CADM2: variants seen among roughly 807,000 people sequenced by gnomAD.
CADM2 encodes the protein immunoglobulin superfamily member 4D.
CADM2 carries 12 observed loss-of-function variants against 49.8 expected under a neutral mutation model. The observed-to-expected ratio is 0.24, with a 90% CI of 0.15 to 0.39. The LOEUF is 0.39. Among genes scored for constraint, CADM2 ranks in the 10% least tolerant of loss-of-function variants. The pLI is 1.00. For synonymous variants in CADM2, 214 were observed against 175.4 expected, an observed-to-expected ratio of 1.22 and a Z score of -1.74; for missense variants, 378 against 492.3, an observed-to-expected ratio of 0.77 and a Z score of 2.20.
intron 3 of CADM2, among the ~76,000 whole-genome samples, chr3:85,864,271 A>G (rs2075643254): frequency 6.6e-6 from 1 of 152,172 alleles, no homozygotes; most frequent in African/African-American, 2.4e-5. Context: ...TGTAATTATA[A>G]ACACCTTGCA....
At chr3:85,568,477 T>TC (rs2062369706) in intron 1 of CADM2, among the ~76,000 whole-genome samples, 2 of 39,190 alleles carry the variant, frequency 5.1e-5, no homozygotes, top group African/African-American at 1.5e-4. Flanking sequence ...TTCTCTCTCT[T>TC]TCTTTCTTTC....
At chr3:85,099,001 C>T (rs987880128) in intron 1 of CADM2, among the ~76,000 whole-genome samples, 2 of 152,120 alleles carry the variant, frequency 1.3e-5, no homozygotes, top group African/African-American at 4.8e-5. Context: ...TGAAGTATTC[C>T]TGAGTTTGGT....
Position 85,887,462 on chromosome 3 carries a change from A to T in CADM2, c.529+1135A>T, listed in dbSNP as rs145966534. On this transcript the variant is annotated intron_variant, in intron 5 of 9. Coordinates refer to ENST00000383699, the MANE Select transcript of CADM2 (RefSeq NM_001167675.2). ...TTTGTAATGGGCATGCAGGCTTAGC[A>T]GATAAGATTGCCTATATTACTGAAA... 2.0e-4 allele frequency among the ~76,000 whole-genome samples: 30 copies of T among 152,316 alleles called. 1 individual carries two copies. The East Asian group carries it at 5.6e-3, about 28-fold the overall frequency.
At chr3:85,151,057 G>C (rs897649079) in intron 1 of CADM2, among the ~76,000 whole-genome samples, 1 of 151,984 alleles carries the variant, frequency 6.6e-6, no homozygotes, top group African/African-American at 2.4e-5. Flanking sequence ...CAAGTTCTGT[G>C]AGCAGAGCAA....
At chr3:85,046,191 G>T (rs2035646756) in intron 1 of CADM2, among the ~76,000 whole-genome samples, 1 of 151,992 alleles carries the variant, frequency 6.6e-6, no homozygotes, top group Non-Finnish European at 1.5e-5. Flanking sequence ...TCGGCCTCTG[G>T]TGATGATTTG....
intron 1 of CADM2, among the ~76,000 whole-genome samples, chr3:85,201,972 C>T (rs1200875044): frequency 6.7e-6 from 1 of 148,606 alleles, no homozygotes; most frequent in African/African-American, 2.5e-5. Flanking sequence ...CCCAGCTACT[C>T]GGGAGGTTGA....
chr3:85,618,051 C>T (rs937308565), intron 1 of CADM2, among the ~76,000 whole-genome samples: 4 of 152,056 alleles, frequency 2.6e-5, no homozygotes, highest in African/African-American at 9.7e-5. Flanking sequence ...AACATACAGT[C>T]ATTCTTTTCT....
chr3:85,092,752 A>G (rs2037646071), intron 1 of CADM2, among the ~76,000 whole-genome samples: 1 of 152,048 alleles, frequency 6.6e-6, no homozygotes. Context: ...CACCACCGCC[A>G]CCACCTCAAA....
In CADM2 at chr3:85,794,416, G is replaced by T. The variant is rs114560562; in HGVS notation, c.89-7631G>T. 1.7e-3 allele frequency among the ~76,000 whole-genome samples: 266 copies of T among 152,254 alleles called. 1 individual carries two copies. The highest frequency in any genetic ancestry group is 6.0e-3 in the African/African-American group (249 of 41,544). Reference sequence around the variant, plus strand: ...TGGTAAACAGTGTAGCTGATTAAAAGATAAGTAAGATGTCTCAGTTACTAT... The same window carrying T: ...TGGTAAACAGTGTAGCTGATTAAAATATAAGTAAGATGTCTCAGTTACTAT... On this transcript the variant is annotated intron_variant, in intron 2 of 9. Transcript: ENST00000383699.
intron 1 of CADM2, among the ~76,000 whole-genome samples, chr3:85,423,753 T>C (rs1440014998): frequency 1.3e-5 from 2 of 152,214 alleles, no homozygotes; most frequent in African/African-American, 4.8e-5. Context: ...CTCATTGCTA[T>C]GCATTCTCTC....
intron 1 of CADM2, among the ~76,000 whole-genome samples, chr3:85,336,052 A>T (rs374493527): frequency 4.0e-5 from 6 of 151,612 alleles, no homozygotes; most frequent in Non-Finnish European, 8.9e-5. Flanking sequence ...CCCAAAATAT[A>T]TCTGGTACCC....
intron 1 of CADM2, among the ~76,000 whole-genome samples, chr3:85,086,250 T>C (rs1020868506): frequency 6.6e-6 from 1 of 152,090 alleles, no homozygotes; most frequent in East Asian, 1.9e-4. Context: ...TTAAATTTTT[T>C]ATGTATATTA....
rs1185335639 is a variant in CADM2 at position 85,568,425 on chromosome 3, T to TTC, written c.62-158095_62-158094dup. 7.0e-5 allele frequency among the ~76,000 whole-genome samples: 2 copies of TTC among 28,456 alleles called. 1 individual carries two copies. The highest frequency in any genetic ancestry group is 1.5e-4 in the Non-Finnish European group (2 of 12,980). The allele number at this position is 28,456 out of a possible 152,430, so 18.7% of individuals were successfully genotyped here. On this transcript the variant is annotated intron_variant, in intron 1 of 9. Coordinates refer to ENST00000383699, the MANE Select transcript of CADM2 (RefSeq NM_001167675.2). Reference sequence around the variant, plus strand: ...TTTCTTTCTTTCTTTCTTTCTTTCTTTCTTTCTTTCTTTCTTTCTTTCTTT... The same window carrying TTC: ...TTTCTTTCTTTCTTTCTTTCTTTCTTTCTCTTTCTTTCTTTCTTTCTTTCTTT...
At chr3:85,539,441 C>T (rs1334629343) in intron 1 of CADM2, among the ~76,000 whole-genome samples, 2 of 152,066 alleles carry the variant, frequency 1.3e-5, no homozygotes, top group Non-Finnish European at 2.9e-5. Context: ...TTCTCCAATG[C>T]TCATAATGCC....
rs899735200 is a variant in CADM2 at position 86,068,141 on chromosome 3, G to C, written c.*1358G>C. 4 of 152,498 alleles carry C rather than the reference G, an allele frequency of 2.6e-5. No individual in the cohort carries two copies. The East Asian group carries it at 7.7e-4, about 29-fold the overall frequency. The allele number at this position is 152,498 out of a possible 1,614,324, so 9.4% of individuals were successfully genotyped here. A position where few individuals can be genotyped will look rare whatever the true frequency, so the allele number is the denominator to read the frequency against. On this transcript the variant is annotated 3_prime_UTR_variant, in exon 10 of 10. Transcript: ENST00000383699. ...TTAAATTCCTGTCTATGCATTTTGT[G>C]AGGTACAAACTGATGAAACAGTGAG...
intron 8 of CADM2, among the ~76,000 whole-genome samples, chr3:86,011,560 G>A (rs937625053): frequency 6.6e-6 from 1 of 152,090 alleles, no homozygotes; most frequent in African/African-American, 2.4e-5. Flanking sequence ...AGAAAAAGGA[G>A]AAGTAGGAAA....
intron 1 of CADM2, among the ~76,000 whole-genome samples, chr3:85,428,535 C>A (rs11920427): frequency 6.9e-6 from 1 of 144,704 alleles, no homozygotes. Flanking sequence ...TATATACACA[C>A]ACATAAATAA....
At chr3:86,010,774 C>T (rs1487422452) in intron 8 of CADM2, among the ~76,000 whole-genome samples, 1 of 151,226 alleles carries the variant, frequency 6.6e-6, no homozygotes, top group African/African-American at 2.4e-5. Context: ...TAATCAATAG[C>T]TCTAGAATCA....
intron 1 of CADM2, among the ~76,000 whole-genome samples, chr3:85,093,454 T>A (rs1429729831): frequency 2.0e-5 from 3 of 146,444 alleles, no homozygotes; most frequent in Non-Finnish European, 4.5e-5. Flanking sequence ...GAGGTGGAGG[T>A]TGCAGTGAGC....
Sources: allele counts gnomAD v4.1 joint callset (sites outside exome capture counted in the v4.1 genomes callset), GRCh38; gene constraint gnomAD v4.1.1; transcripts MANE v1.5; gene names NCBI Gene and HGNC (gene_info 2026-07-23, HGNC 2026-07-21).